Variants in POU6F2 observed in about 807,000 individuals in gnomAD.
POU6F2 encodes the protein POU class 6 homeobox 2, also known as POU domain, class 6, transcription factor 2.
Under a neutral mutation model 71.3 loss-of-function variants are expected in POU6F2, and 31 were observed. The ratio of observed to expected loss-of-function variants is 0.43; its 90% confidence interval spans 0.33 to 0.59. The LOEUF (loss-of-function observed/expected upper bound fraction) is 0.59, where lower values mean the gene tolerates loss of function less well. POU6F2 is among the 20% of genes least tolerant of loss of function. The pLI is 0.04. For missense variants in POU6F2, 783 were observed against 856.8 expected (o/e 0.91, Z 1.07); for synonymous variants, 347 against 355.7 (o/e 0.98, Z 0.27).
chr7:39,457,014 C>T (rs1788821570), intron 8 of POU6F2, among the ~76,000 whole-genome samples: 1 of 152,216 alleles, frequency 6.6e-6, no homozygotes, highest in South Asian at 2.1e-4. Context: ...CATCAATGCA[C>T]ACAGACTAAA....
At chr7:39,167,796 ATATAT>A (rs1442597414) in intron 2 of POU6F2, among the ~76,000 whole-genome samples, 3 of 151,672 alleles carry the variant, frequency 2.0e-5, no homozygotes, top group Non-Finnish European at 4.4e-5. Flanking sequence ...ATATATATAG[ATATAT>A]TTTATACCAA....
intron 5 of POU6F2, among the ~76,000 whole-genome samples, chr7:39,372,798 G>A (rs918269067): frequency 6.6e-6 from 1 of 152,024 alleles, no homozygotes; most frequent in African/African-American, 2.4e-5. Flanking sequence ...AATGTTCATC[G>A]ATAAAAATCA....
intron 4 of POU6F2, among the ~76,000 whole-genome samples, chr7:39,337,850 T>C (rs1203638119): frequency 6.6e-6 from 1 of 152,172 alleles, no homozygotes; most frequent in African/African-American, 2.4e-5. Context: ...GCTGCTGTTA[T>C]GGAAAACAAA....
At chr7:39,106,435 T>A (rs1004335724) in intron 2 of POU6F2, among the ~76,000 whole-genome samples, 2 of 152,250 alleles carry the variant, frequency 1.3e-5, no homozygotes, top group Non-Finnish European at 2.9e-5. Context: ...TCTATAGTCA[T>A]GCAGTAATAA....
At chr7:39,218,622 A>C (rs1041827313) in intron 4 of POU6F2, among the ~76,000 whole-genome samples, 2 of 152,108 alleles carry the variant, frequency 1.3e-5, no homozygotes, top group Non-Finnish European at 2.9e-5. Flanking sequence ...TTTGCCAGGC[A>C]CTATAGTAGG....
chr7:39,415,593 C>T (rs963822182), intron 6 of POU6F2, among the ~76,000 whole-genome samples: 1 of 152,150 alleles, frequency 6.6e-6, no homozygotes, highest in African/African-American at 2.4e-5. Context: ...AATTAGTGCC[C>T]ACTTATGGCA....
chr7:39,082,156 T>C (rs1791133408), intron 1 of POU6F2, among the ~76,000 whole-genome samples: 2 of 152,206 alleles, frequency 1.3e-5, no homozygotes, highest in African/African-American at 4.8e-5. Flanking sequence ...TGCAATCCTC[T>C]CTTTGTAGGA....
intron 2 of POU6F2, among the ~76,000 whole-genome samples, chr7:39,158,686 G>C (rs1284187681): frequency 6.6e-6 from 1 of 152,182 alleles, no homozygotes; most frequent in African/African-American, 2.4e-5. Flanking sequence ...CCTTTCCTCT[G>C]TCTTTTTGTT....
intron 4 of POU6F2, among the ~76,000 whole-genome samples, chr7:39,263,697 C>T (rs4621706): frequency 0.52 from 78,176 of 151,650 alleles, 20,871 homozygotes; most frequent in Admixed American, 0.65. Context: ...ACAAGTCACA[C>T]GCCCCACTTC....
At chr7:39,356,515 C>T (rs1321096854) in intron 5 of POU6F2, among the ~76,000 whole-genome samples, 1 of 152,146 alleles carries the variant, frequency 6.6e-6, no homozygotes, top group East Asian at 1.9e-4. Context: ...TTATTTTCAT[C>T]TTTTTTATGA....
intron 1 of POU6F2, among the ~76,000 whole-genome samples, chr7:39,077,130 G>C (rs1440327910): frequency 2.0e-5 from 3 of 152,212 alleles, no homozygotes; most frequent in Non-Finnish European, 4.4e-5. Flanking sequence ...CAATACTGCT[G>C]TATAACCCCA....
At chr7:39,158,298 A>G (rs1254237771) in intron 2 of POU6F2, among the ~76,000 whole-genome samples, 1 of 152,224 alleles carries the variant, frequency 6.6e-6, no homozygotes, top group Non-Finnish European at 1.5e-5. Context: ...TTGAGGATAC[A>G]GTGTTGAATC....
At chr7:39,394,130 A>G (rs1184906828) in intron 5 of POU6F2, among the ~76,000 whole-genome samples, 1 of 152,252 alleles carries the variant, frequency 6.6e-6, no homozygotes, top group Non-Finnish European at 1.5e-5. Context: ...CAGCCCTTCT[A>G]ATTAATTTTT....
At chr7:39,379,380 A>G (rs1045964449) in intron 5 of POU6F2, among the ~76,000 whole-genome samples, 1 of 152,086 alleles carries the variant, frequency 6.6e-6, no homozygotes, top group African/African-American at 2.4e-5. Flanking sequence ...TACAGTCACT[A>G]TTACATTTTG....
intron 1 of POU6F2, among the ~76,000 whole-genome samples, chr7:39,007,492 AG>A (rs1202639254): frequency 6.6e-6 from 1 of 152,212 alleles, no homozygotes; most frequent in Non-Finnish European, 1.5e-5. Context: ...ATTTATCTCC[AG>A]TTTTCTAATT....
intron 2 of POU6F2, among the ~76,000 whole-genome samples, chr7:39,153,067 A>G (rs529030427): frequency 6.6e-6 from 1 of 152,302 alleles, no homozygotes; most frequent in Admixed American, 6.5e-5. Context: ...GGCTTTTGGC[A>G]GGTTTATCTG....
intron 6 of POU6F2, among the ~76,000 whole-genome samples, chr7:39,413,324 A>G (rs1787594802): frequency 6.6e-6 from 1 of 152,218 alleles, no homozygotes; most frequent in Non-Finnish European, 1.5e-5. Flanking sequence ...ACTCCAAAAT[A>G]TTCATTGAAG....
chr7:39,016,979 G>A (rs1408202260), intron 1 of POU6F2, among the ~76,000 whole-genome samples: 1 of 152,172 alleles, frequency 6.6e-6, no homozygotes, highest in African/African-American at 2.4e-5. Context: ...TAGGGAACCC[G>A]TGAATGTCAT....
At chr7:39,026,456 T>C (rs1789802930) in intron 1 of POU6F2, among the ~76,000 whole-genome samples, 1 of 152,130 alleles carries the variant, frequency 6.6e-6, no homozygotes, top group African/African-American at 2.4e-5. Flanking sequence ...TGTAGGGACA[T>C]GGATGAAATT....
Sources: gnomAD v4.1 joint callset for allele counts (sites outside exome capture counted in the v4.1 genomes callset) on GRCh38, gnomAD v4.1.1 for gene constraint, MANE v1.5 for transcripts, NCBI Gene and HGNC (gene_info 2026-07-23, HGNC 2026-07-21) for gene names.